The following CPLANE1 variants were observed in gnomAD, a reference collection of about 807,000 sequenced individuals.
CPLANE1 encodes the protein ciliogenesis and planar polarity effector complex subunit 1.
Under a neutral mutation model 362.5 loss-of-function variants are expected in CPLANE1, and 263 were observed. The observed-to-expected ratio is 0.73, with a 90% CI of 0.66 to 0.80. CPLANE1 has a LOEUF of 0.80. Ranked by LOEUF, CPLANE1 falls within the 30% of genes least tolerant of loss-of-function variation. CPLANE1 has a pLI of 0.00. For missense variants in CPLANE1, 3,461 were observed against 3,793.4 expected, an observed-to-expected ratio of 0.91 and a Z score of 2.30; for synonymous variants, 1,212 against 1,302.6, an observed-to-expected ratio of 0.93 and a Z score of 1.50.
At chr5:37,227,855 G>A in intron 9 of CPLANE1, 38 bp from the exon 10 acceptor site, 5 of 1,484,310 alleles carry the variant, frequency 3.4e-6, no homozygotes, top group East Asian at 5.1e-5. Context: ...ATCAGTAAGA[G>A]AAAGATCTTA....
In CPLANE1 at chr5:37,227,725, G is replaced by A. The variant is rs1796758136; in HGVS notation, c.1214C>T (p.Ala405Val). 6.4e-7 allele frequency: 1 copy of A among 1,551,466 alleles called. No homozygotes were observed. The highest frequency in any genetic ancestry group is 8.7e-7 in the Non-Finnish European group (1 of 1,146,858). Reference protein sequence around the residue: ...DPMRQRFSIKAHSRLPYLVIS... With the variant: ...DPMRQRFSIKVHSRLPYLVIS... ...AACGAGGTAGGGTAACCGTGAGTGT[G>A]CTTTTATAGAAAATCTCTGTCTCAT... is the stretch of plus-strand genomic sequence containing the variant. The change falls in exon 10 of 53, where the codon GCA (alanine) becomes GTA (valine). Residue 405 changes from alanine (A) to valine (V), a missense_variant. Transcript: ENST00000651892.
the CPLANE1 span, among the ~76,000 whole-genome samples, chr5:37,097,749 CCCAG>C: frequency 6.6e-6 from 1 of 152,078 alleles, no homozygotes; most frequent in African/African-American, 2.4e-5. Flanking sequence ...GAATTCTATA[CCCAG>C]CCAAGGAATC....
chr5:37,238,487 CTTTTTTT>C (rs869153501), intron 8 of CPLANE1, among the ~76,000 whole-genome samples: 1 of 80,678 alleles, frequency 1.2e-5, no homozygotes, highest in Non-Finnish European at 2.3e-5. Flanking sequence ...CCAGCCTTTT[CTTTTTTT>C]TTTTTTTTTT....
chr5:37,125,296 A>G lies in CPLANE1; in HGVS notation c.8906T>C (p.Leu2969Pro), dbSNP rs1178837081. Residue 2969 changes from leucine (L) to proline (P), a missense_variant, in exon 47 of 53, where the codon CTG (leucine) becomes CCG (proline). Leu to Pro is a moderately conservative substitution (Grantham distance 98). This residue lies in a region of CPLANE1 where 3,380 missense variants were observed against 3,666.1 expected (regional missense o/e 0.92). Coordinates refer to ENST00000651892, the MANE Select transcript of CPLANE1 (RefSeq NM_001384732.1). ...ATGTTCTTGCCCTCTCTTTTCTGCCAGCTCATTTAAGTACTTTGCCATTCT... is the reference window on the plus strand; with the variant it reads ...ATGTTCTTGCCCTCTCTTTTCTGCCGGCTCATTTAAGTACTTTGCCATTCT... ...KERMAKYLNE[L>P]AEKRGQEHDP... The G allele has an allele frequency of 6.2e-7, 1 of 1,613,882 alleles. No individual in the cohort carries two copies. Among genetic ancestry groups the G allele is most frequent in the Non-Finnish European group, 8.5e-7 (1 of 1,179,972 alleles).
intron 33 of CPLANE1, among the ~76,000 whole-genome samples, 175 bp from the exon 34 acceptor site, chr5:37,169,736 T>C (rs1779230813): frequency 6.6e-6 from 1 of 152,116 alleles, no homozygotes; most frequent in Non-Finnish European, 1.5e-5. Flanking sequence ...TTATTATTTT[T>C]TTTTTTCTGA....
intron 20 of CPLANE1, among the ~76,000 whole-genome samples, chr5:37,196,895 G>C (rs770334262): frequency 6.6e-6 from 1 of 151,890 alleles, no homozygotes; most frequent in Non-Finnish European, 1.5e-5. Flanking sequence ...ACTGCACCCA[G>C]CCTGGGCGAC....
chr5:37,219,165 C>G (rs1794812372), intron 15 of CPLANE1, among the ~76,000 whole-genome samples: 1 of 152,058 alleles, frequency 6.6e-6, no homozygotes, highest in South Asian at 2.1e-4. Context: ...CACTTGAACC[C>G]AGGAGTTTGA....
intron 47 of CPLANE1, 99 bp from the exon 48 acceptor site, chr5:37,122,587 CG>C (rs1762968395): frequency 3.5e-6 from 3 of 860,790 alleles, no homozygotes; most frequent in Non-Finnish European, 5.5e-6. Context: ...AAAACACTGT[CG>C]TGTTTGATGA....
At chr5:37,148,133 G>T in intron 43 of CPLANE1, 48 bp downstream of exon 43, 1 of 1,402,280 alleles carries the variant, frequency 7.1e-7, no homozygotes, top group Non-Finnish European at 1.0e-6. Flanking sequence ...CATTCTTTCA[G>T]ATCAACTAAA....
At chr5:37,152,268 G>A (rs949932491) in intron 42 of CPLANE1, among the ~76,000 whole-genome samples, 4 of 151,830 alleles carry the variant, frequency 2.6e-5, no homozygotes, top group South Asian at 4.2e-4. Context: ...CCTTGAACTC[G>A]TGAGCGCAAG....
chr5:37,167,309 T>C, intron 34 of CPLANE1, 96 bp from the exon 35 acceptor site: 1 of 945,952 alleles, frequency 1.1e-6, no homozygotes. Flanking sequence ...TTGTTTAAAT[T>C]AAACTGTGCA....
At chr5:37,135,670 T>C (rs928856894) in intron 46 of CPLANE1, among the ~76,000 whole-genome samples, 2 of 151,966 alleles carry the variant, frequency 1.3e-5, no homozygotes, top group African/African-American at 2.4e-5. Flanking sequence ...CTGTCTCTAC[T>C]AAAAATATAA....
At chr5:37,220,323 C>T (rs543170495) in intron 15 of CPLANE1, among the ~76,000 whole-genome samples, 1 of 152,018 alleles carries the variant, frequency 6.6e-6, no homozygotes, top group African/African-American at 2.4e-5. Flanking sequence ...AAATTGCTAT[C>T]AACTCTGTTT....
chr5:37,178,651 T>C (rs1049265674), intron 29 of CPLANE1, among the ~76,000 whole-genome samples: 1 of 151,748 alleles, frequency 6.6e-6, no homozygotes, highest in African/African-American at 2.4e-5. Flanking sequence ...GTTACAATAA[T>C]TGGAAATGTC....
intron 21 of CPLANE1, 100 bp from the exon 22 acceptor site, chr5:37,187,942 C>A: frequency 1.5e-6 from 1 of 676,240 alleles, no homozygotes; most frequent in Non-Finnish European, 2.4e-6. Flanking sequence ...AAATAAAGGT[C>A]TTTATTTCAT....
At chr5:37,144,345 C>T (rs954228859) in intron 43 of CPLANE1, among the ~76,000 whole-genome samples, 1 of 143,062 alleles carries the variant, frequency 7.0e-6, no homozygotes, top group African/African-American at 2.6e-5. Context: ...GAGGAGGAGG[C>T]TGCAGTGAGC....
intron 8 of CPLANE1, among the ~76,000 whole-genome samples, chr5:37,232,550 C>G (rs961548555): frequency 1.3e-5 from 2 of 149,802 alleles, no homozygotes; most frequent in African/African-American, 4.9e-5. Context: ...AGACTAGGCT[C>G]TCTCGGCCAG....
At chr5:37,101,405 T>C (rs558237673), downstream of CPLANE1, among the ~76,000 whole-genome samples, 20 of 152,260 alleles carry the variant, frequency 1.3e-4, no homozygotes, top group Non-Finnish European at 1.9e-4. Context: ...ATTACATTTA[T>C]TGATTTGCAT....
chr5:37,214,343 T>C (rs1441395327), intron 15 of CPLANE1, among the ~76,000 whole-genome samples: 2 of 152,042 alleles, frequency 1.3e-5, no homozygotes, highest in Non-Finnish European at 2.9e-5. Flanking sequence ...GGCATGGTTG[T>C]GCGCACCTAT....
Sources: allele counts gnomAD v4.1 joint callset (sites outside exome capture counted in the v4.1 genomes callset), GRCh38; gene constraint gnomAD v4.1.1; regional missense constraint gnomAD v4.1.1; transcripts MANE v1.5; gene names NCBI Gene and HGNC (gene_info 2026-07-23, HGNC 2026-07-21).